Variants in TMTC1 observed in about 807,000 individuals in gnomAD.
TMTC1 encodes the protein transmembrane O-mannosyltransferase targeting cadherins 1, also known as protein O-mannosyl-transferase TMTC1.
A neutral mutation model predicts 104.8 loss-of-function variants in TMTC1; 73 were observed. The observed-to-expected ratio is 0.70, with a 90% CI of 0.58 to 0.85. The LOEUF is 0.85. Among genes scored for constraint, TMTC1 ranks in the 40% least tolerant of loss-of-function variants. The pLI is 0.00. For missense variants in TMTC1, 1,035 were observed against 1,096.1 expected (o/e 0.94, Z 0.79); for synonymous variants, 434 against 428.7 (o/e 1.01, Z -0.15).
intron 5 of TMTC1, among the ~76,000 whole-genome samples, chr12:29,675,093 T>C (rs2136694612): frequency 6.6e-6 from 1 of 152,344 alleles, no homozygotes; most frequent in Non-Finnish European, 1.5e-5. Context: ...GGTTTCTGTC[T>C]TAATTCAGCT....
chr12:29,742,884 A>T (rs539099623), intron 5 of TMTC1, among the ~76,000 whole-genome samples: 6 of 152,368 alleles, frequency 3.9e-5, no homozygotes, highest in Admixed American at 3.3e-4. Flanking sequence ...AGGTAACCAC[A>T]TACCATAAAG....
At chr12:29,517,684 GT>G in intron 13 of TMTC1, 113 bp from the exon 14 acceptor site, 1 of 1,239,370 alleles carries the variant, frequency 8.1e-7, no homozygotes, top group East Asian at 2.4e-5. Flanking sequence ...CTCCAATACG[GT>G]CTTTGTTTTT....
chr12:29,734,641 A>G (rs969708390), intron 5 of TMTC1, among the ~76,000 whole-genome samples: 1 of 152,138 alleles, frequency 6.6e-6, no homozygotes, highest in Non-Finnish European at 1.5e-5. Context: ...AATATACCAC[A>G]TTTCTCATGC....
At chr12:29,533,752 T>C (rs1291167055) in intron 11 of TMTC1, 1 of 152,118 alleles carries the variant, frequency 6.6e-6, no homozygotes, top group African/African-American at 2.4e-5. Flanking sequence ...GAGCTGGAAA[T>C]GGTAGTCAAT....
At chr12:29,576,432 A>T (rs901691259) in intron 8 of TMTC1, among the ~76,000 whole-genome samples, 1 of 152,220 alleles carries the variant, frequency 6.6e-6, no homozygotes, top group African/African-American at 2.4e-5. Context: ...GTATATACAC[A>T]CAATGAAACA....
intron 10 of TMTC1, among the ~76,000 whole-genome samples, chr12:29,550,275 G>A (rs1248458502): frequency 6.6e-6 from 1 of 152,164 alleles, no homozygotes; most frequent in Non-Finnish European, 1.5e-5. Flanking sequence ...CTAAGTTGAT[G>A]TCACGTGCAT....
chr12:29,756,013 A>T, intron 3 of TMTC1, 128 bp from the exon 4 acceptor site: 1 of 993,384 alleles, frequency 1.0e-6, no homozygotes. Context: ...GTAAGTAGAG[A>T]TTTCTTAAAG....
chr12:29,649,786 C>A (rs1223039728), intron 5 of TMTC1, among the ~76,000 whole-genome samples: 1 of 152,202 alleles, frequency 6.6e-6, no homozygotes, highest in Non-Finnish European at 1.5e-5. Context: ...TTACAGTCAA[C>A]TTTCTGGTGC....
rs996811592 is a variant in TMTC1, at chr12:29,657,342, C to A, written c.939-24006G>T. On this transcript the variant is annotated intron_variant, in intron 5 of 17. Coordinates refer to ENST00000539277, the MANE Select transcript of TMTC1 (RefSeq NM_001193451.2). ...GCACAGCTAAAAATATCTGGATGAG[C>A]AGCCCTGGAGATTTTGAAGGCCAGG... 2.6e-5 allele frequency among the ~76,000 whole-genome samples: 4 copies of A among 152,176 alleles called. No homozygotes were observed. The South Asian group carries it at 8.3e-4, about 32-fold the overall frequency.
intron 5 of TMTC1, among the ~76,000 whole-genome samples, chr12:29,694,274 A>G (rs945216377): frequency 2.6e-5 from 4 of 152,194 alleles, no homozygotes; most frequent in African/African-American, 7.2e-5. Flanking sequence ...TTGTTACTCA[A>G]CAAAACTTTC....
chr12:29,548,127 C>G (rs28408223), intron 10 of TMTC1, among the ~76,000 whole-genome samples: 9 of 152,128 alleles, frequency 5.9e-5, no homozygotes, highest in Middle Eastern at 3.2e-3. Context: ...CTAGGGGGAT[C>G]TGGGGCATGC....
intron 1 of TMTC1, among the ~76,000 whole-genome samples, chr12:29,770,588 T>C (rs1411580915): frequency 6.6e-6 from 1 of 152,120 alleles, no homozygotes; most frequent in Non-Finnish European, 1.5e-5. Flanking sequence ...GTGAATTCAA[T>C]TAGATCCCAA....
intron 7 of TMTC1, among the ~76,000 whole-genome samples, chr12:29,600,069 C>A (rs1315600741): frequency 1.6e-5 from 2 of 126,338 alleles, no homozygotes; most frequent in East Asian, 4.7e-4. Context: ...ATGGCTGTTT[C>A]TTGTCAAGGT....
At chr12:29,725,454 C>T (rs1942364276) in intron 5 of TMTC1, among the ~76,000 whole-genome samples, 1 of 152,136 alleles carries the variant, frequency 6.6e-6, no homozygotes, top group Admixed American at 6.5e-5. Context: ...CTGTGTCAGC[C>T]TCCCAAGTAG....
intron 5 of TMTC1, chr12:29,660,048 T>C: frequency 1.6e-6 from 2 of 1,268,164 alleles, no homozygotes; most frequent in South Asian, 2.6e-5. Context: ...TGCAGGTGCA[T>C]TCTGTTCCTC....
chr12:29,748,808 C>A (rs575246591), intron 5 of TMTC1, among the ~76,000 whole-genome samples: 9 of 152,198 alleles, frequency 5.9e-5, no homozygotes, highest in African/African-American at 1.9e-4. Flanking sequence ...TTTTACAAGT[C>A]GCTTACTTAA....
At chr12:29,690,009 G>T (rs1941217905) in intron 5 of TMTC1, among the ~76,000 whole-genome samples, 1 of 152,164 alleles carries the variant, frequency 6.6e-6, no homozygotes, top group Non-Finnish European at 1.5e-5. Context: ...CCACACTTAG[G>T]TGTATCTGTG....
At chr12:29,765,114 T>C (rs1231972523) in intron 2 of TMTC1, among the ~76,000 whole-genome samples, 3 of 152,212 alleles carry the variant, frequency 2.0e-5, no homozygotes, top group Non-Finnish European at 2.9e-5. Flanking sequence ...TCACATATTC[T>C]ATATGTCTAG....
At chr12:29,531,775 A>C (rs550028270) in intron 11 of TMTC1, among the ~76,000 whole-genome samples, 1 of 152,262 alleles carries the variant, frequency 6.6e-6, no homozygotes, top group South Asian at 2.1e-4. Flanking sequence ...GAGTGGTATC[A>C]ACTTTCTTCT....
Sources: gnomAD v4.1 joint callset for allele counts (sites outside exome capture counted in the v4.1 genomes callset) on GRCh38, gnomAD v4.1.1 for gene constraint, MANE v1.5 for transcripts, NCBI Gene and HGNC (gene_info 2026-07-23, HGNC 2026-07-21) for gene names.